Variants in RELN observed in about 807,000 individuals in gnomAD.
RELN encodes the protein reelin.
A neutral mutation model predicts 427.6 loss-of-function variants in RELN; 108 were observed. The ratio of observed to expected loss-of-function variants is 0.25; its 90% CI spans 0.22 to 0.30. The LOEUF is 0.30. Ranked by LOEUF, RELN falls within the 10% of genes least tolerant of loss-of-function variation. RELN has a pLI of 1.00. For missense variants in RELN, 3,715 were observed against 4,302.8 expected, an observed-to-expected ratio of 0.86 and a Z score of 3.82; for synonymous variants, 1,524 against 1,513.4, an observed-to-expected ratio of 1.01 and a Z score of -0.16.
chr7:103,971,734 G>A (rs1018873128), intron 1 of RELN, among the ~76,000 whole-genome samples: 13 of 152,150 alleles, frequency 8.5e-5, no homozygotes, highest in Non-Finnish European at 1.3e-4. Context: ...AATGGATACT[G>A]TGAAAGTATT....
intron 16 of RELN, among the ~76,000 whole-genome samples, chr7:103,644,407 CTT>C (rs199766997): frequency 2.1e-4 from 28 of 134,704 alleles, no homozygotes; most frequent in East Asian, 2.2e-4. Flanking sequence ...ATAAGTATGT[CTT>C]TTTTTTTTTT....
chr7:103,675,798 T>G (rs1243133091), intron 11 of RELN, among the ~76,000 whole-genome samples: 2 of 152,232 alleles, frequency 1.3e-5, no homozygotes, highest in African/African-American at 2.4e-5. Context: ...AAAGATTCCC[T>G]ATTTAATAAA....
At chr7:103,886,314 T>C (rs1794725414) in intron 2 of RELN, among the ~76,000 whole-genome samples, 1 of 152,208 alleles carries the variant, frequency 6.6e-6, no homozygotes, top group Non-Finnish European at 1.5e-5. Context: ...AAACATTTTA[T>C]GCCTGATAAG....
chr7:103,757,358 T>C (rs1290228469), intron 4 of RELN, among the ~76,000 whole-genome samples: 2 of 152,190 alleles, frequency 1.3e-5, no homozygotes, highest in Admixed American at 1.3e-4. Flanking sequence ...CATTGAATTT[T>C]TCTAGATTGC....
rs262343 is a variant in RELN at position 103,778,862 on chromosome 7, G to C, written c.474-2235C>G. ...ATATGGAATTCCAATGAATAATAGA[G>C]AGGAGCCCTAGCTTTTCAAAATTAC... On this transcript the variant is annotated intron_variant, in intron 3 of 64. Transcript: ENST00000428762. 6.4e-3 allele frequency among the ~76,000 whole-genome samples: 971 copies of C among 152,266 alleles called. 10 individuals carry two copies. The highest frequency in any genetic ancestry group is 0.022 in the African/African-American group (904 of 41,550).
At chr7:103,912,125 T>G (rs1795381493) in intron 2 of RELN, among the ~76,000 whole-genome samples, 1 of 151,890 alleles carries the variant, frequency 6.6e-6, no homozygotes, top group African/African-American at 2.4e-5. Flanking sequence ...GAGAAAAAAT[T>G]ACAAAGAAAA....
intron 52 of RELN, among the ~76,000 whole-genome samples, chr7:103,501,392 ACAAT>A (rs1191003136): frequency 2.0e-5 from 3 of 152,226 alleles, no homozygotes; most frequent in African/African-American, 7.2e-5. Flanking sequence ...TTCCCTGAAG[ACAAT>A]CAATATTCTC....
At chr7:103,840,594 G>A (rs535417679) in intron 2 of RELN, among the ~76,000 whole-genome samples, 2 of 152,324 alleles carry the variant, frequency 1.3e-5, no homozygotes, top group African/African-American at 2.4e-5. Flanking sequence ...ATGAGCAAGG[G>A]TGCGTATATA....
intron 1 of RELN, among the ~76,000 whole-genome samples, chr7:103,944,774 G>A (rs562722534): frequency 6.6e-6 from 1 of 152,254 alleles, no homozygotes; most frequent in South Asian, 2.1e-4. Flanking sequence ...CTGGTGTTTT[G>A]CAGACTGGGA....
At chr7:103,712,914 C>T (rs1293586208) in intron 8 of RELN, among the ~76,000 whole-genome samples, 7 of 152,040 alleles carry the variant, frequency 4.6e-5, no homozygotes, top group Admixed American at 3.9e-4. Context: ...CATTCCCCAT[C>T]AATCCCAGGA....
chr7:103,862,665 C>A (rs923122088), intron 2 of RELN, among the ~76,000 whole-genome samples: 1 of 152,012 alleles, frequency 6.6e-6, no homozygotes, highest in East Asian at 1.9e-4. Flanking sequence ...TACATTTCTA[C>A]TGAAATAAAA....
chr7:103,906,818 T>C (rs1795216859), intron 2 of RELN, among the ~76,000 whole-genome samples: 1 of 152,206 alleles, frequency 6.6e-6, no homozygotes, highest in African/African-American at 2.4e-5. Context: ...GAAATATGTC[T>C]TGATGTCTAA....
At position 103,907,414 on chromosome 7, in the gene RELN, G is replaced by GAAAAAAAAAAAAAAAAAAA. The variant is rs1795234328; in HGVS notation, c.337+9660_337+9661insTTTTTTTTTTTTTTTTTTT. ...GCCTGGGCAACAAGATCAAGGCTCTGGAAAAAAAAAAAAAAAAAAAAAAAA... is the reference window on the plus strand; with the variant it reads ...GCCTGGGCAACAAGATCAAGGCTCTGAAAAAAAAAAAAAAAAAAAGAAAAAAAAAAAAAAAAAAAAAAAA... On this transcript the variant is annotated intron_variant, in intron 2 of 64. Transcript: ENST00000428762. Among the ~76,000 whole-genome samples the GAAAAAAAAAAAAAAAAAAA allele has an allele frequency of 1.5e-4, 6 of 39,714 alleles. 3 individuals are homozygous for GAAAAAAAAAAAAAAAAAAA. Among genetic ancestry groups the GAAAAAAAAAAAAAAAAAAA allele is most frequent in the African/African-American group, 2.5e-4 (2 of 7,850 alleles). The allele number at this position is 39,714 out of a possible 152,430, so 26.1% of individuals were successfully genotyped here.
At chr7:103,579,948 T>C (rs1017066044) in intron 28 of RELN, among the ~76,000 whole-genome samples, 2 of 152,172 alleles carry the variant, frequency 1.3e-5, no homozygotes. Context: ...CTACATAGTG[T>C]ACCTAGAGCA....
chr7:103,814,241 A>G (rs969408632), intron 3 of RELN, among the ~76,000 whole-genome samples: 1 of 152,218 alleles, frequency 6.6e-6, no homozygotes, highest in African/African-American at 2.4e-5. Context: ...ATTAAATTAG[A>G]AGAATGAGGC....
intron 20 of RELN, among the ~76,000 whole-genome samples, chr7:103,624,282 A>G (rs1325918958): frequency 1.3e-5 from 2 of 152,138 alleles, no homozygotes; most frequent in South Asian, 4.1e-4. Context: ...CCACACTGCA[A>G]CTGTTCTCTT....
At chr7:103,880,382 A>G (rs1314412583) in intron 2 of RELN, among the ~76,000 whole-genome samples, 2 of 152,188 alleles carry the variant, frequency 1.3e-5, no homozygotes, top group Non-Finnish European at 2.9e-5. Context: ...TGTGATGCAG[A>G]TCATGAGTCA....
At position 103,561,888 on chromosome 7, in the gene RELN, A is replaced by G. The variant is rs1830650232; in HGVS notation, c.5276T>C (p.Ile1759Thr). The G allele has an allele frequency of 1.2e-6, 2 of 1,611,284 alleles. No individual in the cohort carries two copies. Among genetic ancestry groups the G allele is most frequent in the East Asian group, 4.5e-5 (2 of 44,750 alleles). The change falls in exon 35 of 65, where the codon ATT (isoleucine) becomes ACT (threonine). Residue 1759 changes from isoleucine to threonine, a missense_variant. Coordinates refer to ENST00000428762, the MANE Select transcript of RELN (RefSeq NM_005045.4). ...CCCTGAGGCCAGTACAACATTATCAATCGCCCAGGAATCAGCCCCCACAGT... is the reference window on the plus strand; with the variant it reads ...CCCTGAGGCCAGTACAACATTATCAGTCGCCCAGGAATCAGCCCCCACAGT... ...NYTVGADSWA[I>T]DNVVLASGCP...
intron 37 of RELN, among the ~76,000 whole-genome samples, chr7:103,557,740 T>C (rs1445681541): frequency 6.6e-6 from 1 of 152,230 alleles, no homozygotes; most frequent in African/African-American, 2.4e-5. Context: ...ATAGAACTAA[T>C]ATGATTACAG....
Sources: gnomAD v4.1 joint callset for allele counts (sites outside exome capture counted in the v4.1 genomes callset) on GRCh38, gnomAD v4.1.1 for gene constraint, MANE v1.5 for transcripts, NCBI Gene and HGNC (gene_info 2026-07-23, HGNC 2026-07-21) for gene names.